The following SEC14L1 variants were observed in gnomAD, a reference collection of about 807,000 sequenced individuals.
SEC14L1 encodes SEC14 like lipid binding 1, also known as SEC14-like protein 1.
SEC14L1 carries 48 observed loss-of-function variants against 85.3 expected under a neutral mutation model. The observed-to-expected ratio is 0.56, with a 90% CI of 0.45 to 0.72. The LOEUF is 0.72. SEC14L1 is among the 30% of genes least tolerant of loss of function. The probability of loss-of-function intolerance (pLI) is 0.00; values close to 1 mark genes in which losing one functional copy is unlikely to be tolerated. For synonymous variants in SEC14L1, 391 were observed against 355.5 expected, an observed-to-expected ratio of 1.10 and a Z score of -1.12; for missense variants, 682 against 921.4, an observed-to-expected ratio of 0.74 and a Z score of 3.36.
At chr17:77,176,795 C>G (rs748192747) in intron 3 of SEC14L1, among the ~76,000 whole-genome samples, 1 of 152,126 alleles carries the variant, frequency 6.6e-6, no homozygotes. Context: ...CCATGTTGTT[C>G]AGAGTGTTCT....
At chr17:77,123,206 T>C (rs1300880052) in intron 3 of SEC14L1, among the ~76,000 whole-genome samples, 2 of 151,066 alleles carry the variant, frequency 1.3e-5, no homozygotes, top group Admixed American at 6.6e-5. Flanking sequence ...CTCGCCACCA[T>C]GCCCAGCTAA....
chr17:77,142,088 C>T (rs1428845754), intron 1 of SEC14L1, among the ~76,000 whole-genome samples: 2 of 152,072 alleles, frequency 1.3e-5, no homozygotes, highest in Admixed American at 1.3e-4. Context: ...ATCATCTCCC[C>T]GAAAACCTCA....
chr17:77,092,970 A>G lies in SEC14L1; in HGVS notation c.-239-274A>G, dbSNP rs960787412. ...CCGTCTCAAAAAAAAAAAAAAAAAA[A>G]AAAGAAAGGGAAAGATGAGGTTAGG... On this transcript the variant is annotated intron_variant, in intron 2 of 19. Coordinates refer to the SEC14L1 transcript ENST00000392476. 2.4e-3 allele frequency among the ~76,000 whole-genome samples: 369 copies of G among 151,284 alleles called. 1 individual carries two copies. Among genetic ancestry groups the G allele is most frequent in the African/African-American group, 7.5e-3 (310 of 41,350 alleles).
chr17:77,100,803 A>G (rs1043400567), intron 3 of SEC14L1, among the ~76,000 whole-genome samples: 2 of 152,106 alleles, frequency 1.3e-5, no homozygotes, highest in African/African-American at 4.8e-5. Context: ...GCGTAACTTT[A>G]CGTAAGGTCA....
At chr17:77,141,659 C>T (rs901180176) in intron 1 of SEC14L1, 2 of 152,214 alleles carry the variant, frequency 1.3e-5, no homozygotes, top group African/African-American at 4.8e-5. Flanking sequence ...TTTATCTGGA[C>T]CAGAGCATCG....
Position 77,216,555 on chromosome 17 carries a change from A to G in SEC14L1, c.*2532A>G. 1.4e-5 allele frequency: 22 copies of G among 1,613,156 alleles called. No homozygotes were observed. The highest frequency in any genetic ancestry group is 1.7e-5 in the Non-Finnish European group (20 of 1,179,432). ...CTCTTTCTCTGTGTCTCAGATGGCG[A>G]TTTTGCTGACAGCTGCCAAGAAAAT... On this transcript the variant is annotated 3_prime_UTR_variant, in exon 17 of 17. Coordinates refer to ENST00000436233, the MANE Select transcript of SEC14L1 (RefSeq NM_001143998.2).
intron 3 of SEC14L1, among the ~76,000 whole-genome samples, chr17:77,130,710 C>T (rs1325268029): frequency 6.6e-6 from 1 of 152,182 alleles, no homozygotes; most frequent in Non-Finnish European, 1.5e-5. Context: ...ACCTCCCTCT[C>T]CCGGGGTCAA....
upstream of SEC14L1, among the ~76,000 whole-genome samples, chr17:77,139,399 T>C (rs1002643513): frequency 5.9e-5 from 9 of 152,076 alleles, no homozygotes; most frequent in Non-Finnish European, 4.4e-5. Context: ...CTCAAACTCC[T>C]GACCTCAGGT....
Position 77,194,902 on chromosome 17 carries a change from A to T in SEC14L1, c.700A>T (p.Thr234Ser). The T allele has an allele frequency of 6.2e-7, 1 of 1,613,286 alleles. No individual in the cohort carries two copies. The highest frequency in any genetic ancestry group is 2.2e-5 in the East Asian group (1 of 44,854). Residue 234 changes from threonine (T) to serine (S), a missense_variant, in exon 7 of 17, where the codon ACC becomes TCC. Thr to Ser is a moderately conservative substitution (Grantham distance 58). Around this residue, in one of 3 missense-constraint regions of SEC14L1, gnomAD observed 123 missense variants for 100.6 expected, o/e 1.22. Transcript: ENST00000436233. ...SPSAPEPVVG[T>S]PDDKLDADYI... The stretch of plus-strand genomic sequence containing the variant: ...CAGCGCACCTGAGCCCGTGGTGGGC[A>T]CCCCTGACGGTGGGTCTGGCAGGGG...
chr17:77,102,670 AT>A (rs1971806446), intron 3 of SEC14L1, among the ~76,000 whole-genome samples: 3 of 151,782 alleles, frequency 2.0e-5, no homozygotes, highest in Admixed American at 1.3e-4. Flanking sequence ...CACCGAGCTA[AT>A]TTTTGTATTT....
At chr17:77,139,929 G>T (rs1009137096), upstream of SEC14L1, among the ~76,000 whole-genome samples, 1 of 152,206 alleles carries the variant, frequency 6.6e-6, no homozygotes, top group African/African-American at 2.4e-5. Context: ...TGATTTGCTT[G>T]TGTGTCTGGT....
intron 3 of SEC14L1, among the ~76,000 whole-genome samples, chr17:77,190,130 T>A (rs1365946534): frequency 2.0e-5 from 3 of 152,232 alleles, no homozygotes; most frequent in Non-Finnish European, 4.4e-5. Context: ...AGTTAATTTT[T>A]ATACAAGGTG....
intron 3 of SEC14L1, among the ~76,000 whole-genome samples, chr17:77,124,233 G>A (rs550034309): frequency 2.6e-5 from 4 of 152,304 alleles, no homozygotes; most frequent in South Asian, 2.1e-4. Flanking sequence ...GCGTGGTGGC[G>A]TGCGCCTATA....
At chr17:77,146,744 T>C (rs923060700) in intron 3 of SEC14L1, among the ~76,000 whole-genome samples, 1 of 152,152 alleles carries the variant, frequency 6.6e-6, no homozygotes, top group African/African-American at 2.4e-5. Flanking sequence ...GCACGTATAT[T>C]CTTCCACCCT....
In SEC14L1 at chr17:77,215,767, G is replaced by C; in HGVS notation, c.*1744G>C. On this transcript the variant is annotated 3_prime_UTR_variant, in exon 17 of 17. Coordinates refer to ENST00000436233, the MANE Select transcript of SEC14L1 (RefSeq NM_001143998.2). ...TAGGGTTAGTAGGTAGGGCTAGTAGGTAGGGCTAGTAGGTAGGGTTCGTAG... is the reference window on the plus strand; with the variant it reads ...TAGGGTTAGTAGGTAGGGCTAGTAGCTAGGGCTAGTAGGTAGGGTTCGTAG... 1.0e-6 allele frequency: 1 copy of C among 973,910 alleles called. No individual in the cohort carries two copies. Among genetic ancestry groups the C allele is most frequent in the South Asian group, 4.6e-5 (1 of 21,520 alleles). 60.3% of individuals were successfully genotyped at this position (973,910 alleles called of 1,614,324 possible). A position where few individuals can be genotyped will look rare whatever the true frequency, so the allele number is the denominator to read the frequency against.
intron 3 of SEC14L1, among the ~76,000 whole-genome samples, chr17:77,161,393 G>A (rs987441415): frequency 3.3e-5 from 5 of 152,168 alleles, no homozygotes; most frequent in South Asian, 2.1e-4. Flanking sequence ...CGGCTGAGGC[G>A]AGAGAATCAC....
rs551653098 is a variant in SEC14L1 at position 77,209,046 on chromosome 17, TTA to T, written c.1477-292_1477-291del. ...AGGGCAATATAAATACCCCTAATGC[TTA>T]TATGAGTCAGCTTTAGTAACTGGGT... On this transcript the variant is annotated intron_variant, in intron 13 of 16. Coordinates refer to ENST00000436233, the MANE Select transcript of SEC14L1 (RefSeq NM_001143998.2). 6.5e-3 allele frequency among the ~76,000 whole-genome samples: 991 copies of T among 152,316 alleles called. 10 individuals carry two copies. The highest frequency in any genetic ancestry group is 0.012 in the Non-Finnish European group (788 of 68,030).
chr17:77,165,096 A>C (rs55720361), intron 3 of SEC14L1, among the ~76,000 whole-genome samples: 1 of 152,034 alleles, frequency 6.6e-6, no homozygotes, highest in Non-Finnish European at 1.5e-5. Context: ...TTATTTTATG[A>C]AAGTTCCCTT....
chr17:77,154,638 T>G (rs1257885990), intron 3 of SEC14L1, among the ~76,000 whole-genome samples: 2 of 22,522 alleles, frequency 8.9e-5, no homozygotes, highest in East Asian at 4.9e-4. Flanking sequence ...GTTTTTTTTG[T>G]TTTTTTTTGG....
Sources: allele counts gnomAD v4.1 joint callset (sites outside exome capture counted in the v4.1 genomes callset), GRCh38; gene constraint gnomAD v4.1.1; regional missense constraint gnomAD v4.1.1; transcripts MANE v1.5; gene names NCBI Gene and HGNC (gene_info 2026-07-23, HGNC 2026-07-21).